DNAH6: variants seen among roughly 807,000 people sequenced by gnomAD.
DNAH6 encodes the protein dynein axonemal heavy chain 6.
A neutral mutation model predicts 491.4 loss-of-function variants in DNAH6; 340 were observed. The observed-to-expected ratio is 0.69, with a 90% CI of 0.63 to 0.76. DNAH6 has a LOEUF of 0.76. Ranked by LOEUF, DNAH6 falls within the 30% of genes least tolerant of loss-of-function variation. The probability of loss-of-function intolerance (pLI) is 0.00; values close to 1 mark genes in which losing one functional copy is unlikely to be tolerated. For synonymous variants in DNAH6, 1,603 were observed against 1,686.1 expected (o/e 0.95, Z 1.21); for missense variants, 4,443 against 4,972.2 (o/e 0.89, Z 3.20).
At chr2:84,785,310 AC>A (rs1347311808) in intron 66 of DNAH6, among the ~76,000 whole-genome samples, 1 of 152,136 alleles carries the variant, frequency 6.6e-6, no homozygotes, top group Non-Finnish European at 1.5e-5. Flanking sequence ...CAATGAGGAA[AC>A]CCTGAGCATG....
At chr2:84,660,790 C>G (rs1256584045) in intron 37 of DNAH6, among the ~76,000 whole-genome samples, 3 of 152,042 alleles carry the variant, frequency 2.0e-5, no homozygotes, top group African/African-American at 7.2e-5. Context: ...GAGGTTACAC[C>G]TGGAAAACCC....
intron 63 of DNAH6, among the ~76,000 whole-genome samples, chr2:84,757,492 A>G (rs1024157398): frequency 6.6e-6 from 1 of 152,208 alleles, no homozygotes; most frequent in Admixed American, 6.5e-5. Context: ...TACTCCTGCC[A>G]TCTCAGCATG....
chr2:84,488,808 G>A, the DNAH6 span, among the ~76,000 whole-genome samples: 14 of 152,176 alleles, frequency 9.2e-5, no homozygotes, highest in African/African-American at 3.4e-4. Flanking sequence ...ATCTTTAGGA[G>A]CTATTATTCT....
intron 11 of DNAH6, among the ~76,000 whole-genome samples, chr2:84,561,762 A>G (rs1034796828): frequency 1.3e-5 from 2 of 152,334 alleles, no homozygotes; most frequent in East Asian, 3.9e-4. Flanking sequence ...AAAAGAAGAC[A>G]TTTATGCAGC....
chr2:84,577,744 C>G (rs1356291209), intron 13 of DNAH6, among the ~76,000 whole-genome samples: 1 of 152,102 alleles, frequency 6.6e-6, no homozygotes, highest in Admixed American at 6.5e-5. Context: ...TCTAGACCAC[C>G]GAGATCAAGT....
In DNAH6 at chr2:84,765,944, G is replaced by A. The variant is rs189596606; in HGVS notation, c.10703+2999G>A. ...GTTCCAATGTATATCACAAAACAGC[G>A]TTTGAAGCAAAAGATTTTATTAAGG... On this transcript the variant is annotated intron_variant, in intron 64 of 76. Coordinates refer to ENST00000389394, the MANE Select transcript of DNAH6 (RefSeq NM_001370.2). Among the ~76,000 whole-genome samples, 221 of 152,114 alleles carry A rather than the reference G, an allele frequency of 1.5e-3. 1 individual carries two copies. Among genetic ancestry groups the A allele is most frequent in the African/African-American group, 4.9e-3 (205 of 41,554 alleles).
the DNAH6 span, among the ~76,000 whole-genome samples, chr2:84,466,890 TATA>T: frequency 6.6e-6 from 1 of 152,208 alleles, no homozygotes; most frequent in African/African-American, 2.4e-5. Context: ...AAACAACAAT[TATA>T]ATCATTACTG....
At chr2:84,572,239 GTA>G (rs1401762768) in intron 11 of DNAH6, among the ~76,000 whole-genome samples, 2 of 152,178 alleles carry the variant, frequency 1.3e-5, no homozygotes, top group Non-Finnish European at 2.9e-5. Context: ...AATAATATGT[GTA>G]TATAGACAGA....
At chr2:84,568,674 G>C (rs532086533) in intron 11 of DNAH6, among the ~76,000 whole-genome samples, 1 of 152,078 alleles carries the variant, frequency 6.6e-6, no homozygotes, top group African/African-American at 2.4e-5. Context: ...ATTTACCTAT[G>C]TAACAAACCT....
chr2:84,813,671 G>T (rs1414248191), intron 74 of DNAH6, among the ~76,000 whole-genome samples: 2 of 152,164 alleles, frequency 1.3e-5, no homozygotes, highest in African/African-American at 4.8e-5. Flanking sequence ...GCGAGATTGG[G>T]CTCTGAAACT....
At chr2:84,711,720 A>C (rs1697063912) in intron 56 of DNAH6, among the ~76,000 whole-genome samples, 2 of 152,222 alleles carry the variant, frequency 1.3e-5, no homozygotes, top group South Asian at 4.1e-4. Context: ...CACAGGTTAC[A>C]CTATTCCCCA....
chr2:84,790,654 G>A (rs939242729), intron 68 of DNAH6, among the ~76,000 whole-genome samples: 1 of 152,128 alleles, frequency 6.6e-6, no homozygotes, highest in Admixed American at 6.5e-5. Context: ...TTTGTCATGA[G>A]GGAAATGAAA....
chr2:84,807,307 T>C (rs1679510551), intron 71 of DNAH6, among the ~76,000 whole-genome samples: 1 of 152,198 alleles, frequency 6.6e-6, no homozygotes, highest in Non-Finnish European at 1.5e-5. Flanking sequence ...GATACATGTA[T>C]GTCATAGCCA....
chr2:84,539,909 A>G (rs142568877), intron 4 of DNAH6, among the ~76,000 whole-genome samples: 276 of 152,332 alleles, frequency 1.8e-3, no homozygotes, highest in African/African-American at 6.4e-3. Context: ...ATCTAGTCTC[A>G]TATTGAGTCA....
intron 3 of DNAH6, among the ~76,000 whole-genome samples, chr2:84,527,295 C>T (rs1234489492): frequency 6.6e-6 from 1 of 152,000 alleles, no homozygotes; most frequent in East Asian, 1.9e-4. Context: ...TTCCCACCCC[C>T]AAATCTGAAC....
intron 23 of DNAH6, among the ~76,000 whole-genome samples, chr2:84,618,420 C>T (rs1254403548): frequency 6.6e-6 from 1 of 152,108 alleles, no homozygotes; most frequent in Non-Finnish European, 1.5e-5. Context: ...TCATAGGCAG[C>T]ATTTAATCTG....
intron 15 of DNAH6, among the ~76,000 whole-genome samples, chr2:84,586,872 A>C (rs1051580961): frequency 9.9e-5 from 15 of 152,168 alleles, no homozygotes; most frequent in African/African-American, 3.6e-4. Context: ...AAAAAGTATG[A>C]ATATCTATGT....
intron 64 of DNAH6, among the ~76,000 whole-genome samples, chr2:84,774,378 G>A (rs192012016): frequency 2.0e-5 from 3 of 152,148 alleles, no homozygotes; most frequent in African/African-American, 7.2e-5. Context: ...GACTGTAGGT[G>A]TGCAGCTTTA....
rs139105797 is a variant in DNAH6, at chr2:84,721,436, G to A, written c.9793-1189G>A. On this transcript the variant is annotated intron_variant, in intron 59 of 76. Transcript: ENST00000389394. ...CTGAATCCTTCCCCTCCCTTTCCTG[G>A]TGGGCTGGGGTAAATAGTCTAGACT... Among the ~76,000 whole-genome samples, 23 of 152,146 alleles carry A rather than the reference G, an allele frequency of 1.5e-4. No individual in the cohort carries two copies. In the East Asian group the frequency reaches 4.5e-3, roughly 29 times the overall value.
Sources: gnomAD v4.1 joint callset for allele counts (sites outside exome capture counted in the v4.1 genomes callset) on GRCh38, gnomAD v4.1.1 for gene constraint, MANE v1.5 for transcripts, NCBI Gene and HGNC (gene_info 2026-07-23, HGNC 2026-07-21) for gene names.